METTL8: variants seen among roughly 807,000 people sequenced by gnomAD.
METTL8 encodes methyltransferase 8, tRNA N3-cytidine.
METTL8 carries 32 observed loss-of-function variants against 48.7 expected under a neutral mutation model. The observed-to-expected ratio is 0.66, with a 90% CI of 0.50 to 0.88. The LOEUF (loss-of-function observed/expected upper bound fraction) is 0.88. METTL8 is among the 40% of genes least tolerant of loss of function. The pLI, the probability that METTL8 is intolerant of heterozygous loss-of-function variation, is 0.00. For missense variants in METTL8, 464 were observed against 474.4 expected, an observed-to-expected ratio of 0.98 and a Z score of 0.20; for synonymous variants, 136 against 157.1, an observed-to-expected ratio of 0.87 and a Z score of 1.01.
At chr2:171,405,128 G>GA (rs1690044887) in intron 1 of METTL8, among the ~76,000 whole-genome samples, 2 of 152,254 alleles carry the variant, frequency 1.3e-5, no homozygotes, top group South Asian at 4.1e-4. Flanking sequence ...GGAAGATAAT[G>GA]AGTTCAATTT....
upstream of METTL8, chr2:171,434,550 G>A (rs539743471): frequency 7.3e-5 from 112 of 1,524,794 alleles, no homozygotes; most frequent in South Asian, 1.3e-3. Flanking sequence ...CGGCGGCCCA[G>A]CCTACCCAGG....
chr2:171,418,264 C>T (rs1691517886), intron 1 of METTL8, among the ~76,000 whole-genome samples: 1 of 152,074 alleles, frequency 6.6e-6, no homozygotes, highest in East Asian at 1.9e-4. Flanking sequence ...TCTTCTTAGG[C>T]TCCTATTTAT....
intron 9 of METTL8, among the ~76,000 whole-genome samples, chr2:171,325,457 G>A (rs1161219058): frequency 6.6e-6 from 1 of 152,160 alleles, no homozygotes; most frequent in East Asian, 1.9e-4. Flanking sequence ...CCAAAGTGAT[G>A]GGATTACAGG....
At chr2:171,351,702 G>A (rs1340612827) in intron 3 of METTL8, among the ~76,000 whole-genome samples, 2 of 152,062 alleles carry the variant, frequency 1.3e-5, no homozygotes, top group East Asian at 1.9e-4. Context: ...TGGATTCCTA[G>A]GTATTTTATT....
chr2:171,337,027 C>A (rs1338474225), intron 5 of METTL8, among the ~76,000 whole-genome samples: 1 of 151,910 alleles, frequency 6.6e-6, no homozygotes, highest in South Asian at 2.1e-4. Context: ...GCCACCATGC[C>A]TGGCTAATTT....
At chr2:171,412,726 GAAA>G (rs536551109) in intron 1 of METTL8, among the ~76,000 whole-genome samples, 2 of 136,214 alleles carry the variant, frequency 1.5e-5, no homozygotes, top group African/African-American at 2.7e-5. Flanking sequence ...TGGACTCACA[GAAA>G]AAAAAAAAAG....
At chr2:171,381,523 T>C (rs912843737) in intron 2 of METTL8, among the ~76,000 whole-genome samples, 2 of 151,980 alleles carry the variant, frequency 1.3e-5, no homozygotes, top group African/African-American at 4.8e-5. Flanking sequence ...AAAGGGCTAA[T>C]ATCCAGAATC....
intron 1 of METTL8, among the ~76,000 whole-genome samples, chr2:171,411,384 T>C (rs770960665): frequency 6.6e-6 from 1 of 151,392 alleles, no homozygotes; most frequent in Non-Finnish European, 1.5e-5. Context: ...TTGGGTGGAG[T>C]TGGGGGATGG....
upstream of METTL8, chr2:171,434,709 C>G (rs959045013): frequency 1.4e-6 from 2 of 1,461,410 alleles, no homozygotes; most frequent in Middle Eastern, 2.2e-4. Context: ...GCCAGGTGAC[C>G]GCCAGCCGGC....
chr2:171,396,972 T>C (rs1006438188), intron 1 of METTL8, among the ~76,000 whole-genome samples: 1 of 151,192 alleles, frequency 6.6e-6, no homozygotes, highest in African/African-American at 2.4e-5. Flanking sequence ...TACAGGCATG[T>C]ACCACCACAC....
At chr2:171,415,760 G>T (rs1691254801) in intron 1 of METTL8, among the ~76,000 whole-genome samples, 1 of 152,042 alleles carries the variant, frequency 6.6e-6, no homozygotes, top group Non-Finnish European at 1.5e-5. Flanking sequence ...ATGAGTAGAG[G>T]ATCCACTCTA....
chr2:171,332,101 G>A (rs542159334), intron 5 of METTL8: 2 of 387,442 alleles, frequency 5.2e-6, no homozygotes, highest in Non-Finnish European at 9.7e-6. Flanking sequence ...GCCCAGGCTG[G>A]TCTTGAACTA....
intron 1 of METTL8, among the ~76,000 whole-genome samples, chr2:171,421,118 G>A (rs1216977895): frequency 2.0e-5 from 3 of 152,016 alleles, no homozygotes; most frequent in African/African-American, 2.4e-5. Flanking sequence ...GTTTCCTAAC[G>A]ATATGATTAT....
rs1684602827 is a variant in METTL8, at chr2:171,322,906, T to A, written c.*1266A>T. On this transcript the variant is annotated 3_prime_UTR_variant, in exon 10 of 10. Transcript: ENST00000375258. ...CCCCTTTGTAGACCATATGGGTAACTTCCTGATGTTGCCATGGCATTTGTA... is the reference window on the plus strand; with the variant it reads ...CCCCTTTGTAGACCATATGGGTAACATCCTGATGTTGCCATGGCATTTGTA... 6.6e-6 allele frequency: 1 copy of A among 152,272 alleles called. No individual in the cohort carries two copies. The highest frequency in any genetic ancestry group is 2.4e-5 in the African/African-American group (1 of 41,470). The allele number at this position is 152,272 out of a possible 1,614,324, so 9.4% of individuals were successfully genotyped here. A position where few individuals can be genotyped will look rare whatever the true frequency, so the allele number is the denominator to read the frequency against.
chr2:171,419,345 T>C (rs915472834), intron 1 of METTL8, among the ~76,000 whole-genome samples: 3 of 152,314 alleles, frequency 2.0e-5, no homozygotes, highest in Admixed American at 2.0e-4. Context: ...TGCATTCATC[T>C]GTATCTATAT....
At chr2:171,380,301 G>T (rs1687385045) in intron 2 of METTL8, among the ~76,000 whole-genome samples, 1 of 152,158 alleles carries the variant, frequency 6.6e-6, no homozygotes, top group Non-Finnish European at 1.5e-5. Context: ...TATACTGAAT[G>T]GGCAAAAGCT....
chr2:171,359,148 C>T (rs867093411), intron 3 of METTL8, among the ~76,000 whole-genome samples: 3 of 141,932 alleles, frequency 2.1e-5, no homozygotes, highest in Non-Finnish European at 4.5e-5. Flanking sequence ...CACTATACTC[C>T]AGACTGGGCA....
intron 1 of METTL8, among the ~76,000 whole-genome samples, chr2:171,413,742 T>G (rs1202851508): frequency 6.6e-6 from 1 of 152,174 alleles, no homozygotes; most frequent in South Asian, 2.1e-4. Context: ...TGCCTTAGAT[T>G]AATTTTCTGG....
At chr2:171,406,387 A>G (rs1690180302) in intron 1 of METTL8, among the ~76,000 whole-genome samples, 1 of 152,188 alleles carries the variant, frequency 6.6e-6, no homozygotes, top group South Asian at 2.1e-4. Context: ...TGCCACAACA[A>G]AATATCATAG....
Sources: allele counts gnomAD v4.1 joint callset (sites outside exome capture counted in the v4.1 genomes callset), GRCh38; gene constraint gnomAD v4.1.1; transcripts MANE v1.5; gene names NCBI Gene and HGNC (gene_info 2026-07-23, HGNC 2026-07-21).